The following NDUFA10 variants were observed in gnomAD, a reference collection of about 807,000 sequenced individuals.
NDUFA10 encodes NADH dehydrogenase [ubiquinone] 1 alpha subcomplex subunit 10, mitochondrial.
NDUFA10 carries 40 observed loss-of-function variants against 47.8 expected under a neutral mutation model. The observed-to-expected ratio is 0.84, with a 90% CI of 0.65 to 1.09. The LOEUF (loss-of-function observed/expected upper bound fraction) is 1.09, where lower values mean the gene tolerates loss of function less well. Ranked by LOEUF, NDUFA10 falls within the 50% of genes least tolerant of loss-of-function variation. The pLI, the probability that NDUFA10 is intolerant of heterozygous loss-of-function variation, is 0.00. For synonymous variants in NDUFA10, 183 were observed against 172.2 expected (o/e 1.06, Z -0.49); for missense variants, 413 against 451.1 (o/e 0.92, Z 0.76).
intron 8 of NDUFA10, among the ~76,000 whole-genome samples, chr2:240,003,367 T>A (rs2106467068): frequency 6.6e-6 from 1 of 152,178 alleles, no homozygotes; most frequent in African/African-American, 2.4e-5. Context: ...CTAATTTACA[T>A]CCAAACGTTG....
chr2:239,936,375 A>C (rs1694266218), intron 4 of NDUFA10, among the ~76,000 whole-genome samples: 1 of 152,248 alleles, frequency 6.6e-6, no homozygotes, highest in Non-Finnish European at 1.5e-5. Context: ...CAGGGAAATA[A>C]ACAGGCAGAG....
intron 4 of NDUFA10, among the ~76,000 whole-genome samples, chr2:239,934,885 C>T (rs4854073): frequency 0.38 from 58,312 of 152,012 alleles, 11,427 homozygotes; most frequent in East Asian, 0.45. Flanking sequence ...CACTCCCTCT[C>T]GCTCACCAGG....
chr2:239,960,143 G>A lies in NDUFA10; in HGVS notation c.*975C>T. The A allele has an allele frequency of 1.0e-6, 1 of 984,374 alleles. No individual in the cohort carries two copies. The highest frequency in any genetic ancestry group is 1.8e-5 in the African/African-American group (1 of 56,394). The allele number at this position is 984,374 out of a possible 1,614,324, so 61.0% of individuals were successfully genotyped here. ...GGAGCTTTACAGTGGAAAACCCACA[G>A]TTCAGTAGGACTCACAACTGGCAGC... On this transcript the variant is annotated 3_prime_UTR_variant, in exon 10 of 10. Transcript: ENST00000252711.
intron 9 of NDUFA10, among the ~76,000 whole-genome samples, chr2:239,965,410 C>A (rs1324380487): frequency 3.9e-5 from 6 of 152,194 alleles, no homozygotes; most frequent in Non-Finnish European, 2.9e-5. Context: ...TTAAAATAAG[C>A]CTTCCACCCC....
At chr2:239,962,840 G>A (rs1474051040) in intron 9 of NDUFA10, among the ~76,000 whole-genome samples, 1 of 152,178 alleles carries the variant, frequency 6.6e-6, no homozygotes, top group Middle Eastern at 3.4e-3. Context: ...GGTAGGGGGT[G>A]GGAGCTGCCA....
intron 8 of NDUFA10, among the ~76,000 whole-genome samples, chr2:240,001,322 A>C (rs1696707797): frequency 6.6e-6 from 1 of 152,260 alleles, no homozygotes; most frequent in Non-Finnish European, 1.5e-5. Flanking sequence ...AAATGTAAAC[A>C]CATCATGCAT....
At chr2:239,930,336 C>T (rs1419915535) in intron 4 of NDUFA10, among the ~76,000 whole-genome samples, 1 of 152,136 alleles carries the variant, frequency 6.6e-6, no homozygotes, top group East Asian at 1.9e-4. Flanking sequence ...TTTGCCATGA[C>T]CTTCACATCC....
chr2:239,971,677 G>A (rs1051287722), intron 9 of NDUFA10, among the ~76,000 whole-genome samples: 19 of 152,192 alleles, frequency 1.2e-4, no homozygotes, highest in Non-Finnish European at 2.8e-4. Context: ...ACGGTCACGT[G>A]GCTAGCTGGT....
intron 4 of NDUFA10, among the ~76,000 whole-genome samples, chr2:240,017,361 C>G (rs1697400212): frequency 6.6e-6 from 1 of 152,140 alleles, no homozygotes; most frequent in African/African-American, 2.4e-5. Context: ...CTCCACCATC[C>G]CCACACGTCC....
At chr2:239,993,079 A>C (rs1696318465) in intron 8 of NDUFA10, among the ~76,000 whole-genome samples, 1 of 152,272 alleles carries the variant, frequency 6.6e-6, no homozygotes, top group African/African-American at 2.4e-5. Flanking sequence ...AAAGCCATTC[A>C]TAGTGAGCTA....
intron 3 of NDUFA10, chr2:240,020,954 A>G (rs1040340006): frequency 2.5e-5 from 15 of 588,650 alleles, no homozygotes; most frequent in Non-Finnish European, 3.9e-5. Flanking sequence ...AGCTTAAAGT[A>G]GTGCCTTGAG....
At chr2:239,981,370 G>A (rs189173588) in intron 9 of NDUFA10, among the ~76,000 whole-genome samples, 99 of 152,044 alleles carry the variant, frequency 6.5e-4, no homozygotes, top group Non-Finnish European at 1.2e-3. Flanking sequence ...ATCAGACAGC[G>A]TCCAGAGCAG....
intron 8 of NDUFA10, among the ~76,000 whole-genome samples, chr2:239,997,307 CA>C (rs1696519663): frequency 6.6e-6 from 1 of 152,006 alleles, no homozygotes; most frequent in South Asian, 2.1e-4. Context: ...AAACAAAAAC[CA>C]GGTTCTTCGA....
intron 9 of NDUFA10, among the ~76,000 whole-genome samples, chr2:239,967,512 C>T (rs960116285): frequency 1.3e-5 from 2 of 152,216 alleles, no homozygotes; most frequent in Non-Finnish European, 2.9e-5. Context: ...CTTTGCTGAT[C>T]ACTGGCCTAA....
chr2:239,904,225 C>T (rs1238080428), intron 4 of NDUFA10, among the ~76,000 whole-genome samples: 3 of 152,130 alleles, frequency 2.0e-5, no homozygotes, highest in Non-Finnish European at 2.9e-5. Context: ...AACTTCGCCC[C>T]GTACCCAACC....
rs1215559224 is a variant in NDUFA10 at position 239,945,237 on chromosome 2, A to C, written c.294+44837T>G. Among the ~76,000 whole-genome samples, 1 of 152,226 alleles carries C rather than the reference A, an allele frequency of 6.6e-6. No individual in the cohort carries two copies. Among genetic ancestry groups the C allele is most frequent in the Non-Finnish European group, 1.5e-5 (1 of 68,038 alleles). ...GCAGGCGTTGAGCAGGCCGCTCTGC[A>C]GACGCTGGGCTCCTTCATTTGCACA... is the stretch of plus-strand genomic sequence containing the variant. On this transcript the variant is annotated intron_variant, in intron 4 of 5. Transcript: ENST00000419408. This position sits in a 1 kb window ranked among gnomAD's most constrained non-coding sequence, Gnocchi z 4.6.
intron 4 of NDUFA10, among the ~76,000 whole-genome samples, chr2:239,920,032 C>A (rs1221189460): frequency 1.3e-5 from 2 of 152,166 alleles, no homozygotes; most frequent in Admixed American, 6.5e-5. Context: ...TCACCCTGCT[C>A]CCAGGGTGCT....
At chr2:239,910,505 G>A (rs1291718021) in intron 4 of NDUFA10, among the ~76,000 whole-genome samples, 2 of 152,160 alleles carry the variant, frequency 1.3e-5, no homozygotes, top group African/African-American at 4.8e-5. Flanking sequence ...TTGTAAGTGG[G>A]AGCTGAATGA....
In NDUFA10 at chr2:240,022,201, T is replaced by G. The variant is rs863224080; in HGVS notation, c.215A>C (p.Lys72Thr). The G allele has an allele frequency of 2.5e-6, 4 of 1,613,930 alleles. No homozygotes were observed. The highest frequency in any genetic ancestry group is 8.5e-7 in the Non-Finnish European group (1 of 1,179,796). ...VDGNICTGKG[K>T]LAKEIAEKLG... ...TTTCTCTGCTATTTCTTTTGCAAGT[T>G]TGCCTTTTCCAGTACATATATTGCC... is the stretch of plus-strand genomic sequence containing the variant. Residue 72 changes from lysine (K) to threonine (T), a missense_variant, in exon 2 of 10, where the codon AAA becomes ACA. Transcript: ENST00000252711.
Sources: allele counts gnomAD v4.1 joint callset (sites outside exome capture counted in the v4.1 genomes callset), GRCh38; gene constraint gnomAD v4.1.1; non-coding constraint Gnocchi (gnomAD v3.1); transcripts MANE v1.5; gene names NCBI Gene and HGNC (gene_info 2026-07-23, HGNC 2026-07-21).